SECISBP2L: variants seen among roughly 807,000 people sequenced by gnomAD.
The protein encoded by SECISBP2L is SECIS binding protein 2 like.
Under a neutral mutation model 114.7 loss-of-function variants are expected in SECISBP2L, and 43 were observed. The observed-to-expected ratio is 0.38, with a 90% CI of 0.29 to 0.48. The LOEUF (loss-of-function observed/expected upper bound fraction) is 0.48, where lower values mean the gene tolerates loss of function less well. Among genes scored for constraint, SECISBP2L ranks in the 20% least tolerant of loss-of-function variants. SECISBP2L has a pLI of 0.98. For synonymous variants in SECISBP2L, 451 were observed against 439.7 expected (o/e 1.03, Z -0.32); for missense variants, 1,136 against 1,301.1 (o/e 0.87, Z 1.95).
chr15:49,038,566 G>A (rs1163449181), intron 1 of SECISBP2L, among the ~76,000 whole-genome samples: 2 of 152,112 alleles, frequency 1.3e-5, no homozygotes, highest in African/African-American at 4.8e-5. Context: ...AGAGGAATCT[G>A]GAGAGCTTCC....
At position 49,019,525 on chromosome 15, in the gene SECISBP2L, T is replaced by G. The variant is rs1284352524; in HGVS notation, c.1063A>C (p.Thr355Pro). 2 of 1,507,164 alleles carry G rather than the reference T, an allele frequency of 1.3e-6. No homozygotes were observed. The highest frequency in any genetic ancestry group is 1.8e-6 in the Non-Finnish European group (2 of 1,135,814). 93.4% of individuals were successfully genotyped at this position (1,507,164 alleles called of 1,614,324 possible). The stretch of plus-strand genomic sequence containing the variant: ...AAATTCTGTCTTCTTTCTGAGGAAG[T>G]ACTGTGTCCTCGGCATCTGAATCCA... ...QVGFRCRGHS[T>P]SSERRQNLQK... The change falls in exon 8 of 18, where the codon ACT becomes CCT. Residue 355 changes from threonine to proline, a missense_variant. Around this residue, in one of 2 missense-constraint regions of SECISBP2L, gnomAD observed 452 missense variants for 452.3 expected, o/e 1.00. Coordinates refer to ENST00000559471, the MANE Select transcript of SECISBP2L (RefSeq NM_001193489.2).
At chr15:49,045,654 C>G (rs1595800084) in intron 1 of SECISBP2L, among the ~76,000 whole-genome samples, 1 of 152,176 alleles carries the variant, frequency 6.6e-6, no homozygotes, top group East Asian at 1.9e-4. Flanking sequence ...CGAAAATAAG[C>G]TTATGCTTTA....
At chr15:49,011,931 A>C in intron 12 of SECISBP2L, 68 bp from the exon 13 acceptor site, 2 of 1,530,432 alleles carry the variant, frequency 1.3e-6, no homozygotes, top group Non-Finnish European at 1.8e-6. Context: ...ATGACAATAT[A>C]CATTATAACA....
intron 12 of SECISBP2L, among the ~76,000 whole-genome samples, chr15:49,012,211 A>C (rs1235120163): frequency 1.3e-5 from 2 of 152,300 alleles, no homozygotes; most frequent in African/African-American, 4.8e-5. Flanking sequence ...ACAGTTTTCA[A>C]TTATTTGGAC....
chr15:49,000,849 A>T, intron 15 of SECISBP2L, 28 bp downstream of exon 15: 2 of 1,584,864 alleles, frequency 1.3e-6, no homozygotes, highest in Non-Finnish European at 1.7e-6. Flanking sequence ...TATACTATCA[A>T]AACACTTCAA....
intron 14 of SECISBP2L, among the ~76,000 whole-genome samples, chr15:49,004,985 T>C (rs1902286782): frequency 6.6e-6 from 1 of 152,182 alleles, no homozygotes; most frequent in Admixed American, 6.5e-5. Flanking sequence ...TGAATATCCT[T>C]ATTAATTTTC....
At chr15:49,022,130 T>C (rs1902649560) in intron 7 of SECISBP2L, among the ~76,000 whole-genome samples, 1 of 152,192 alleles carries the variant, frequency 6.6e-6, no homozygotes, top group Admixed American at 6.5e-5. Flanking sequence ...GACTAACTGC[T>C]TAACTGAGAC....
At chr15:48,996,065 G>C (rs1902079386) in intron 17 of SECISBP2L, 1 of 294,890 alleles carries the variant, frequency 3.4e-6, no homozygotes, top group Non-Finnish European at 6.4e-6. Context: ...TAAAGTATTG[G>C]AATAAAACTT....
At chr15:49,026,092 A>T (rs12441272) in intron 7 of SECISBP2L, among the ~76,000 whole-genome samples, 35,093 of 152,142 alleles carry the variant, frequency 0.23, 4,512 homozygotes, top group East Asian at 0.42. Context: ...ATGAGCCTAG[A>T]GGACAATATG....
rs368661434 is a variant in SECISBP2L at position 48,992,809 on chromosome 15, G to T, written c.2741C>A (p.Thr914Lys). 4 of 1,614,168 alleles carry T rather than the reference G, an allele frequency of 2.5e-6. No individual in the cohort carries two copies. The South Asian group carries it at 4.4e-5, about 18-fold the overall frequency. Reference sequence around the variant, plus strand: ...TGATGGCTGCTTACCAATTGGGGGTGTGTCAAATGGAAGTTTACTGGGTTT... The same window carrying T: ...TGATGGCTGCTTACCAATTGGGGGTTTGTCAAATGGAAGTTTACTGGGTTT... ...SEKPSKLPFD[T>K]PPIGKQPSLV... is the part of the protein sequence containing the mutation. Residue 914 changes from threonine to lysine, a missense_variant, in exon 18 of 18, where the codon ACA becomes AAA. Thr to Lys is a moderately conservative substitution (Grantham distance 78). Transcript: ENST00000559471.
intron 7 of SECISBP2L, among the ~76,000 whole-genome samples, chr15:49,022,032 A>G (rs1182087447): frequency 2.0e-5 from 3 of 152,240 alleles, no homozygotes; most frequent in African/African-American, 4.8e-5. Context: ...TACAATAAAA[A>G]GGAAAAAAAT....
At chr15:48,996,960 G>GTT in intron 16 of SECISBP2L, among the ~76,000 whole-genome samples, 1 of 152,266 alleles carries the variant, frequency 6.6e-6, no homozygotes. Context: ...GAAAAAGATG[G>GTT]TAAGAGACAC....
rs544486795 is a variant in SECISBP2L, at chr15:49,005,847, T to C, written c.2027+3369A>G. On this transcript the variant is annotated intron_variant, in intron 14 of 17. Transcript: ENST00000559471. The stretch of plus-strand genomic sequence containing the variant: ...CAGTTGATGCAGTTTCTTCATAGTG[T>C]TGACGGTCTTTACAATTTGGTATGT... Among the ~76,000 whole-genome samples, 6 of 152,226 alleles carry C rather than the reference T, an allele frequency of 3.9e-5. No individual in the cohort carries two copies. The East Asian group carries it at 1.2e-3, about 29-fold the overall frequency.
chr15:49,020,879 T>C (rs1214891673), intron 7 of SECISBP2L, among the ~76,000 whole-genome samples: 1 of 151,940 alleles, frequency 6.6e-6, no homozygotes, highest in Admixed American at 6.5e-5. Context: ...ATAAAACAAT[T>C]AGGAGAATAA....
Position 49,035,674 on chromosome 15 carries a change from AAAG to A in SECISBP2L, c.204-19_204-17del. 2 of 1,587,540 alleles carry A rather than the reference AAAG, an allele frequency of 1.3e-6. No individual in the cohort carries two copies. Among genetic ancestry groups the A allele is most frequent in the South Asian group, 1.1e-5 (1 of 87,534 alleles). On this transcript the variant is annotated splice_polypyrimidine_tract_variant and intron_variant, in intron 2 of 17. Transcript: ENST00000559471. ...AGGAAACTGTCTGCAAAACCAAATC[AAAG>A]AAGAACAAATCTATTGACAAGTCTA...
intron 1 of SECISBP2L, among the ~76,000 whole-genome samples, chr15:49,038,880 T>G (rs1319670048): frequency 6.6e-6 from 1 of 152,140 alleles, no homozygotes; most frequent in Non-Finnish European, 1.5e-5. Flanking sequence ...CAGAACTTTT[T>G]CCCAACAAAC....
intron 16 of SECISBP2L, among the ~76,000 whole-genome samples, chr15:48,998,213 CAA>C (rs1183288226): frequency 6.6e-6 from 1 of 152,132 alleles, no homozygotes; most frequent in African/African-American, 2.4e-5. Flanking sequence ...AGATTCATCT[CAA>C]GAGGGAAAAA....
chr15:49,016,439 TATAC>T lies in SECISBP2L; in HGVS notation c.1561+117_1561+120del, dbSNP rs765883259. On this transcript the variant is annotated intron_variant, in intron 11 of 17. Coordinates refer to ENST00000559471, the MANE Select transcript of SECISBP2L (RefSeq NM_001193489.2). Reference sequence around the variant, plus strand: ...ACACACACAAACACACATACATATATATACACACACACACACATATATATACACA... The same window carrying T: ...ACACACACAAACACACATACATATATACACACACACACATATATATACACA... 445 of 810,944 alleles carry T rather than the reference TATAC, an allele frequency of 5.5e-4. 2 individuals are homozygous for T. The highest frequency in any genetic ancestry group is 2.1e-3 in the Middle Eastern group (6 of 2,874). 50.2% of individuals were successfully genotyped at this position (810,944 alleles called of 1,614,324 possible).
At chr15:49,013,414 A>G (rs1337475653) in intron 11 of SECISBP2L, among the ~76,000 whole-genome samples, 1 of 152,120 alleles carries the variant, frequency 6.6e-6, no homozygotes, top group Non-Finnish European at 1.5e-5. Flanking sequence ...CTCCTGCCTC[A>G]GCCTCCCGAG....
Sources: allele counts gnomAD v4.1 joint callset (sites outside exome capture counted in the v4.1 genomes callset), GRCh38; gene constraint gnomAD v4.1.1; regional missense constraint gnomAD v4.1.1; transcripts MANE v1.5; gene names NCBI Gene and HGNC (gene_info 2026-07-23, HGNC 2026-07-21).